The following BEND6 variants were observed in gnomAD, a reference collection of about 807,000 sequenced individuals.
BEND6 encodes the protein BEN domain containing 6, also known as BEN domain-containing protein 6.
A neutral mutation model predicts 31.8 loss-of-function variants in BEND6; 24 were observed. The observed-to-expected ratio is 0.75, with a 90% confidence interval of 0.55 to 1.06. The LOEUF (loss-of-function observed/expected upper bound fraction) is 1.06, where lower values mean the gene tolerates loss of function less well. Ranked by LOEUF, BEND6 falls within the 50% of genes least tolerant of loss-of-function variation. The pLI is 0.00. For synonymous variants in BEND6, 109 were observed against 114.6 expected, an observed-to-expected ratio of 0.95 and a Z score of 0.31; for missense variants, 294 against 327.4, an observed-to-expected ratio of 0.90 and a Z score of 0.79.
chr6:56,957,794 A>G (rs1210027197), intron 1 of BEND6, among the ~76,000 whole-genome samples: 2 of 152,244 alleles, frequency 1.3e-5, no homozygotes, highest in Admixed American at 6.5e-5. Context: ...TAGTTGGGAA[A>G]GATAGCTAAG....
At chr6:57,011,057 C>T (rs1278057627) in intron 3 of BEND6, 2 of 175,260 alleles carry the variant, frequency 1.1e-5, no homozygotes, top group African/African-American at 4.8e-5. Flanking sequence ...GAAAAAGTAC[C>T]AATATCCCAT....
chr6:57,013,021 A>G (rs1398021454), intron 3 of BEND6, among the ~76,000 whole-genome samples: 1 of 152,062 alleles, frequency 6.6e-6, no homozygotes, highest in Admixed American at 6.5e-5. Context: ...TGCCCCACCC[A>G]AGTCAAGCCC....
intron 1 of BEND6, among the ~76,000 whole-genome samples, chr6:56,966,921 A>G (rs941870552): frequency 6.6e-6 from 1 of 152,116 alleles, no homozygotes; most frequent in Non-Finnish European, 1.5e-5. Context: ...AAAAAAATAA[A>G]CCCCTTTGCC....
At chr6:57,014,536 A>T in intron 3 of BEND6, 2 of 1,501,114 alleles carry the variant, frequency 1.3e-6, no homozygotes, top group Non-Finnish European at 1.8e-6. Context: ...GTAAGTTTCC[A>T]TTTGAAAAAA....
intron 2 of BEND6, among the ~76,000 whole-genome samples, chr6:56,984,191 A>C (rs1826171014): frequency 6.6e-6 from 1 of 151,972 alleles, no homozygotes; most frequent in Non-Finnish European, 1.5e-5. Context: ...ACTGCACTTC[A>C]GACTGGGTGA....
chr6:57,009,956 G>A (rs1827289394), intron 3 of BEND6: 1 of 150,452 alleles, frequency 6.6e-6, no homozygotes, highest in Non-Finnish European at 1.5e-5. Context: ...TTGATAAGAG[G>A]AACTTTCCCT....
chr6:57,020,541 C>A (rs1430589490), intron 6 of BEND6, among the ~76,000 whole-genome samples: 1 of 152,166 alleles, frequency 6.6e-6, no homozygotes, highest in Non-Finnish European at 1.5e-5. Flanking sequence ...CCGCCTCAGC[C>A]TCCCGAGCAG....
In BEND6 at chr6:57,017,364, C is replaced by G; in HGVS notation, c.677C>G (p.Pro226Arg). The change falls in exon 5 of 7, where the codon CCA becomes CGA. Residue 226 changes from proline to arginine, a missense_variant. Coordinates refer to ENST00000370746, the MANE Select transcript of BEND6 (RefSeq NM_152731.3). The part of the protein sequence containing the change: ...SSTSRDKAVK[P>R]AMNQNEVQEI... The stretch of plus-strand genomic sequence containing the variant: ...ACTTCAAGGGACAAAGCTGTAAAAC[C>G]AGCTATGAATCAGAATGAAGTCCAA... 7.3e-7 allele frequency: 1 copy of G among 1,378,994 alleles called. No homozygotes were observed. The highest frequency in any genetic ancestry group is 9.4e-7 in the Non-Finnish European group (1 of 1,058,648). The allele number at this position is 1,378,994 out of a possible 1,614,324, so 85.4% of individuals were successfully genotyped here. A position where few individuals can be genotyped will look rare whatever the true frequency, so the allele number is the denominator to read the frequency against.
Position 56,955,479 on chromosome 6 carries a change from G to C in BEND6, c.-101+19G>C, listed in dbSNP as rs1344745277. 6.6e-6 allele frequency: 1 copy of C among 152,336 alleles called. No individual in the cohort carries two copies. The highest frequency in any genetic ancestry group is 1.9e-4 in the East Asian group (1 of 5,168). The allele number at this position is 152,336 out of a possible 1,614,324, so 9.4% of individuals were successfully genotyped here. On this transcript the variant is annotated intron_variant, in intron 1 of 6. Coordinates refer to ENST00000370746, the MANE Select transcript of BEND6 (RefSeq NM_152731.3). Reference sequence around the variant, plus strand: ...CAGCCGGGTGAGCTATTGCTTGTGGGGGTTTCCTCGCACTCTGAAGCGCGA... The same window carrying C: ...CAGCCGGGTGAGCTATTGCTTGTGGCGGTTTCCTCGCACTCTGAAGCGCGA...
At chr6:56,996,801 A>G (rs1031527658) in intron 3 of BEND6, among the ~76,000 whole-genome samples, 1 of 151,278 alleles carries the variant, frequency 6.6e-6, no homozygotes, top group African/African-American at 2.4e-5. Context: ...CCCTTTTACC[A>G]CTCCTACTGC....
At chr6:56,992,638 T>C in intron 3 of BEND6, 83 bp downstream of exon 3, 4 of 1,423,028 alleles carry the variant, frequency 2.8e-6, no homozygotes, top group Non-Finnish European at 3.8e-6. Flanking sequence ...CTGTCAAGAA[T>C]GAAGAAGAAA....
In BEND6 at chr6:57,026,975, A is replaced by G. The variant is rs979872805; in HGVS notation, c.*903A>G. ...TATACTGCTTAGTTTTAACTGGTTT[A>G]TTTTTATTGTAGCAGAAATGAACTG... On this transcript the variant is annotated 3_prime_UTR_variant, in exon 7 of 7. Transcript: ENST00000370746. 13 of 152,184 alleles carry G rather than the reference A, an allele frequency of 8.5e-5. No homozygotes were observed. Among genetic ancestry groups the G allele is most frequent in the Admixed American group, 6.5e-4 (10 of 15,272 alleles). The allele number at this position is 152,184 out of a possible 1,614,324, so 9.4% of individuals were successfully genotyped here.
chr6:57,004,623 C>A, intron 3 of BEND6: 1 of 1,077,678 alleles, frequency 9.3e-7, no homozygotes, highest in South Asian at 1.2e-5. Context: ...GAGCTCTACC[C>A]CTCCTACGTG....
At chr6:56,984,226 CA>C (rs1204048610) in intron 2 of BEND6, among the ~76,000 whole-genome samples, 30 of 105,048 alleles carry the variant, frequency 2.9e-4, no homozygotes, top group East Asian at 5.2e-4. Flanking sequence ...GTCTCAACAA[CA>C]AAAAAAAAAG....
rs1302337347 is a variant in BEND6, at chr6:56,965,588, G to A, written c.-101+10128G>A. Among the ~76,000 whole-genome samples, 4 of 151,144 alleles carry A rather than the reference G, an allele frequency of 2.6e-5. No individual in the cohort carries two copies. In the East Asian group the frequency reaches 7.8e-4, roughly 29 times the overall value. ...AAAATCAGAGGATCTCTTGAGCCTA[G>A]AAGTTCAAGGCTGCAGTAAGCCTTG... On this transcript the variant is annotated intron_variant, in intron 1 of 6. Transcript: ENST00000370746.
intron 1 of BEND6, among the ~76,000 whole-genome samples, chr6:56,973,997 C>T (rs778061089): frequency 2.0e-5 from 3 of 152,202 alleles, no homozygotes; most frequent in Non-Finnish European, 2.9e-5. Context: ...AAGTGATCTG[C>T]CCACCTCAGC....
In BEND6 at chr6:56,982,003, T is replaced by G. The variant is rs1341127113; in HGVS notation, c.120+73T>G. ...TAATTTCATGGTTTCTTTCATAATT[T>G]ATTAGTGCTTCTCCCTCTTCTATTA... On this transcript the variant is annotated intron_variant, in intron 2 of 6. Transcript: ENST00000370746. 2.8e-6 allele frequency: 4 copies of G among 1,425,054 alleles called. No individual in the cohort carries two copies. The African/African-American group carries it at 5.8e-5, about 21-fold the overall frequency. 88.3% of individuals were successfully genotyped at this position (1,425,054 alleles called of 1,614,324 possible).
intron 1 of BEND6, among the ~76,000 whole-genome samples, chr6:56,979,119 T>C (rs1395621015): frequency 6.6e-6 from 1 of 152,182 alleles, no homozygotes; most frequent in Non-Finnish European, 1.5e-5. Context: ...TCAATGCAAA[T>C]ACAAGACAAA....
chr6:57,001,602 C>T (rs930513158), intron 3 of BEND6, among the ~76,000 whole-genome samples: 3 of 152,146 alleles, frequency 2.0e-5, no homozygotes, highest in African/African-American at 7.2e-5. Flanking sequence ...ATTCTTAAAA[C>T]AAGAAGTTCC....
Sources: allele counts gnomAD v4.1 joint callset (sites outside exome capture counted in the v4.1 genomes callset), GRCh38; gene constraint gnomAD v4.1.1; transcripts MANE v1.5; gene names NCBI Gene and HGNC (gene_info 2026-07-23, HGNC 2026-07-21).